MIER2: variants seen among roughly 807,000 people sequenced by gnomAD.
MIER2 encodes the protein mesoderm induction early response protein 2.
In MIER2, 30 loss-of-function variants were observed where a neutral mutation model predicts 67.6. The observed-to-expected ratio is 0.44, with a 90% CI of 0.33 to 0.60. MIER2 has a LOEUF of 0.60. MIER2 is among the 20% of genes least tolerant of loss of function. The pLI is 0.02. For synonymous variants in MIER2, 372 were observed against 312.6 expected (o/e 1.19, Z -2.00); for missense variants, 702 against 745.1 (o/e 0.94, Z 0.67).
At chr19:323,105 G>A (rs577634490) in intron 7 of MIER2, among the ~76,000 whole-genome samples, 23 of 148,006 alleles carry the variant, frequency 1.6e-4, no homozygotes, top group Admixed American at 1.0e-3. Context: ...CCACGCAGAC[G>A]ACTCGAATGA....
At chr19:314,268 G>A (rs1971140388) in intron 7 of MIER2, among the ~76,000 whole-genome samples, 1 of 152,216 alleles carries the variant, frequency 6.6e-6, no homozygotes, top group Admixed American at 6.5e-5. Flanking sequence ...GTGGATGGCA[G>A]ATGTGCTCAC....
In MIER2 at chr19:308,482, C is replaced by A; in HGVS notation, c.1198+95G>T. The A allele has an allele frequency of 7.4e-7, 1 of 1,357,756 alleles. No individual in the cohort carries two copies. The highest frequency in any genetic ancestry group is 1.4e-5 in the South Asian group (1 of 73,584). The allele number at this position is 1,357,756 out of a possible 1,614,324, so 84.1% of individuals were successfully genotyped here. On this transcript the variant is annotated intron_variant, in intron 12 of 13. Coordinates refer to ENST00000264819, the MANE Select transcript of MIER2 (RefSeq NM_017550.3). This position sits in a 1 kb window ranked among gnomAD's most constrained non-coding sequence, Gnocchi z 9.1. ...ACTCCTCCTGGCGAGGCTGGCCCAG[C>A]ACAGGGCGCCAGGCAGGAGAGGCTC...
rs1197798763 is a variant in MIER2, at chr19:308,132, C to G, written c.1198+445G>C. ...CTTCGGACGCCACATCAGACACCAC[C>G]ATCGGACATGGTCCCTACCCGAGGC... On this transcript the variant is annotated intron_variant, in intron 12 of 13. Coordinates refer to ENST00000264819, the MANE Select transcript of MIER2 (RefSeq NM_017550.3). The surrounding 1 kb of genome is among the most constrained non-coding windows in gnomAD (Gnocchi z 9.1). Among the ~76,000 whole-genome samples, 1 of 152,188 alleles carries G rather than the reference C, an allele frequency of 6.6e-6. No homozygotes were observed. The highest frequency in any genetic ancestry group is 1.5e-5 in the Non-Finnish European group (1 of 68,034).
At chr19:311,191 A>C (rs1392403452) in intron 10 of MIER2, among the ~76,000 whole-genome samples, 1 of 152,236 alleles carries the variant, frequency 6.6e-6, no homozygotes, top group African/African-American at 2.4e-5. Context: ...CTCAGTGCCC[A>C]ACCGGGGCGT....
intron 5 of MIER2, 148 bp from the exon 6 acceptor site, chr19:326,746 AC>A (rs1282755610): frequency 4.6e-6 from 3 of 658,262 alleles, no homozygotes; most frequent in African/African-American, 3.6e-5. Context: ...TGGGCACAGG[AC>A]CCAGGACCAG....
intron 3 of MIER2, among the ~76,000 whole-genome samples, chr19:332,100 A>G (rs1404643110): frequency 6.6e-6 from 1 of 152,070 alleles, no homozygotes; most frequent in African/African-American, 2.4e-5. Context: ...TTTTATTTTC[A>G]TAAAAATATT....
chr19:332,176 C>T (rs1026273952), intron 3 of MIER2, among the ~76,000 whole-genome samples: 2 of 152,050 alleles, frequency 1.3e-5, no homozygotes, highest in Admixed American at 6.6e-5. Context: ...TGCACCACCA[C>T]GCCTGGCAAT....
Position 327,871 on chromosome 19 carries a change from A to C in MIER2, c.362T>G (p.Leu121Arg), listed in dbSNP as rs1250014687. Residue 121 changes from leucine (L) to arginine (R), a missense_variant, in exon 4 of 14, where the codon CTG becomes CGG. Physicochemically the swap from Leu to Arg is moderately radical, Grantham distance 102 (BLOSUM62 -2). Coordinates refer to ENST00000264819, the MANE Select transcript of MIER2 (RefSeq NM_017550.3). ...DVAPNLPDMTLDKEQIAKDLL... is the reference protein window; with the variant it reads ...DVAPNLPDMTRDKEQIAKDLL... ...GGAAGGGCCCTCACTTACTTTGTCC[A>C]GGGTCATGTCTGGGAGGTTCGGGGC... 9.3e-6 allele frequency: 15 copies of C among 1,611,930 alleles called. No individual in the cohort carries two copies. Among genetic ancestry groups the C allele is most frequent in the Non-Finnish European group, 1.2e-5 (14 of 1,179,006 alleles).
intron 6 of MIER2, 48 bp from the exon 7 acceptor site, chr19:325,752 C>A: frequency 6.2e-7 from 1 of 1,607,606 alleles, no homozygotes; most frequent in East Asian, 2.2e-5. Context: ...GCATCTAGGC[C>A]GGGCGGGAGG....
rs768081074 is a variant in MIER2, at chr19:308,904, C to T, written c.1006G>A (p.Glu336Lys). 1.2e-6 allele frequency: 2 copies of T among 1,606,122 alleles called. No individual in the cohort carries two copies. Among genetic ancestry groups the T allele is most frequent in the Non-Finnish European group, 1.7e-6 (2 of 1,174,186 alleles). ...CACAGGTAGTAGTACTCGACACACT[C>T]GCCCACTGACCGTGTGCGCACCTGC... ...ANKVRTRSVG[E>K]CVEYYYLWKK... The change falls in exon 11 of 14, where the codon GAG (glutamate) becomes AAG (lysine). Residue 336 changes from glutamate (E) to lysine (K), a missense_variant. By Grantham distance (56) the Glu-to-Lys change is moderately conservative. This residue lies in a region of MIER2 where 128 missense variants were observed against 189.7 expected (regional missense o/e 0.67). Transcript: ENST00000264819. The surrounding 1 kb of genome is among the most constrained non-coding windows in gnomAD (Gnocchi z 9.1).
chr19:316,971 A>G (rs1034222690), intron 7 of MIER2, among the ~76,000 whole-genome samples: 4 of 152,210 alleles, frequency 2.6e-5, no homozygotes, highest in Non-Finnish European at 5.9e-5. Context: ...TCTATCTCAA[A>G]AAAAATGTAG....
intron 7 of MIER2, among the ~76,000 whole-genome samples, chr19:317,844 G>T (rs893635322): frequency 2.6e-5 from 4 of 151,984 alleles, no homozygotes; most frequent in Non-Finnish European, 5.9e-5. Context: ...TGACATACAA[G>T]TGATTTAAAA....
At chr19:321,285 A>C (rs1344584943) in intron 7 of MIER2, among the ~76,000 whole-genome samples, 1 of 152,248 alleles carries the variant, frequency 6.6e-6, no homozygotes, top group African/African-American at 2.4e-5. Context: ...CATACACACA[A>C]GAGAGAACAC....
intron 1 of MIER2, chr19:344,087 T>C (rs541162657): frequency 3.0e-6 from 3 of 985,430 alleles, no homozygotes; most frequent in Non-Finnish European, 3.6e-6. Context: ...CCCGGGCTTG[T>C]TTCCTGGACG....
intron 3 of MIER2, among the ~76,000 whole-genome samples, chr19:333,918 T>A (rs553415651): frequency 2.6e-5 from 4 of 152,260 alleles, no homozygotes; most frequent in Middle Eastern, 3.4e-3. Flanking sequence ...GGTCTCGATC[T>A]CCTGACCTTG....
chr19:335,838 G>T (rs934009238), intron 2 of MIER2, among the ~76,000 whole-genome samples: 3 of 152,154 alleles, frequency 2.0e-5, no homozygotes, highest in Non-Finnish European at 4.4e-5. Context: ...TCCTCTGCTG[G>T]GGGTGCTGGG....
chr19:338,489 A>T (rs1020651447), intron 1 of MIER2, among the ~76,000 whole-genome samples: 1 of 152,202 alleles, frequency 6.6e-6, no homozygotes, highest in East Asian at 1.9e-4. Flanking sequence ...AGACAACATT[A>T]AGACGGCAAC....
At chr19:342,091 C>T (rs1320325734) in intron 1 of MIER2, among the ~76,000 whole-genome samples, 1 of 152,202 alleles carries the variant, frequency 6.6e-6, no homozygotes, top group South Asian at 2.1e-4. Context: ...AAACAACCTC[C>T]TCCTAAGAGC....
rs190356005 is a variant in MIER2 at position 308,755 on chromosome 19, G to A, written c.1109+46C>T. 1.2e-4 allele frequency: 184 copies of A among 1,593,268 alleles called. No homozygotes were observed. In the East Asian group the frequency reaches 3.0e-3, roughly 26 times the overall value. On this transcript the variant is annotated intron_variant, in intron 11 of 13. Transcript: ENST00000264819. The surrounding 1 kb of genome is among the most constrained non-coding windows in gnomAD (Gnocchi z 9.1). ...CCCAGGCGCCCACGTGCCCACCCCC[G>A]GCGGGGTGGCCGCCTGTCGTTACTG...
Sources: gnomAD v4.1 joint callset for allele counts (sites outside exome capture counted in the v4.1 genomes callset) on GRCh38, gnomAD v4.1.1 for gene constraint, gnomAD v4.1.1 regional missense constraint, Gnocchi (gnomAD v3.1) non-coding constraint, MANE v1.5 for transcripts, NCBI Gene and HGNC (gene_info 2026-07-23, HGNC 2026-07-21) for gene names.